The following MAP1B variants were observed in gnomAD, a reference collection of about 807,000 sequenced individuals.
The protein encoded by MAP1B is microtubule-associated protein 1B.
Under a neutral mutation model 176.1 loss-of-function variants are expected in MAP1B, and 12 were observed. That is an observed-to-expected ratio of 0.07 (90% CI 0.04 to 0.11). MAP1B has a LOEUF of 0.11. Ranked by LOEUF, MAP1B falls within the 10% of genes least tolerant of loss-of-function variation. The probability of loss-of-function intolerance (pLI) is 1.00; values close to 1 mark genes in which losing one functional copy is unlikely to be tolerated. For missense variants in MAP1B, 2,523 were observed against 2,990.5 expected, an observed-to-expected ratio of 0.84 and a Z score of 3.65; for synonymous variants, 1,044 against 1,135.0, an observed-to-expected ratio of 0.92 and a Z score of 1.61.
At chr5:72,143,429 A>T (rs1421547486) in intron 2 of MAP1B, among the ~76,000 whole-genome samples, 2 of 152,170 alleles carry the variant, frequency 1.3e-5, no homozygotes, top group African/African-American at 4.8e-5. Context: ...CCACAATTGA[A>T]TTATGTCTTT....
chr5:72,183,753 C>A lies in MAP1B; in HGVS notation c.297C>A (p.Ile99=), dbSNP rs1172683150. The change falls in exon 3 of 7, where the codon ATC becomes ATA. Residue 99 remains isoleucine, a synonymous_variant. Coordinates refer to ENST00000296755, the MANE Select transcript of MAP1B (RefSeq NM_005909.5). ...TTTTTGTGCCTGCAGGACAAAAGATCCTTCATCACCGAAGTGACGTTTTAG... is the reference window on the plus strand; with the variant it reads ...TTTTTGTGCCTGCAGGACAAAAGATACTTCATCACCGAAGTGACGTTTTAG... ...RFSPEVPGQK[I]LHHRSDVLET... 1.9e-6 allele frequency: 3 copies of A among 1,613,972 alleles called. No individual in the cohort carries two copies. In the South Asian group the frequency reaches 3.3e-5, roughly 18 times the overall value.
At chr5:72,164,274 A>C (rs1264871874) in intron 2 of MAP1B, among the ~76,000 whole-genome samples, 1 of 152,034 alleles carries the variant, frequency 6.6e-6, no homozygotes, top group African/African-American at 2.4e-5. Context: ...CATCCCAGAG[A>C]CCTGGTTCCC....
intron 1 of MAP1B, among the ~76,000 whole-genome samples, chr5:72,114,265 A>G (rs1458599389): frequency 2.6e-5 from 4 of 152,084 alleles, no homozygotes; most frequent in African/African-American, 9.7e-5. Flanking sequence ...TCTTTACAGG[A>G]TAGGAAGACT....
intron 2 of MAP1B, among the ~76,000 whole-genome samples, chr5:72,139,351 C>T (rs753396086): frequency 2.0e-5 from 3 of 152,192 alleles, no homozygotes; most frequent in East Asian, 1.9e-4. Context: ...CCTGGGTTCT[C>T]GTTCTGGCTG....
intron 2 of MAP1B, chr5:72,180,024 C>A (rs11951269): frequency 0.078 from 52,923 of 678,732 alleles, 2,186 homozygotes; most frequent in African/African-American, 0.14. Context: ...CGGCAGCAGG[C>A]GAGCTCACTG....
At chr5:72,123,866 A>C (rs1745575067) in intron 2 of MAP1B, among the ~76,000 whole-genome samples, 1 of 152,148 alleles carries the variant, frequency 6.6e-6, no homozygotes, top group Admixed American at 6.5e-5. Context: ...CCTGGCCTCA[A>C]GCGATCCTCC....
chr5:72,199,993 G>A lies in MAP1B; in HGVS notation c.6638G>A (p.Arg2213His), dbSNP rs754794035. 1.6e-5 allele frequency: 26 copies of A among 1,614,012 alleles called. No individual in the cohort carries two copies. The highest frequency in any genetic ancestry group is 2.7e-5 in the African/African-American group (2 of 74,910). ...APVQDRSPSPRHPDVSMVDPE... is the reference protein window; with the variant it reads ...APVQDRSPSPHHPDVSMVDPE... Reference sequence around the variant, plus strand: ...GTGCAAGACCGCAGCCCTTCGCCACGCCACCCTGATGTGTCCATGGTGGAC... The same window carrying A: ...GTGCAAGACCGCAGCCCTTCGCCACACCACCCTGATGTGTCCATGGTGGAC... The change falls in exon 5 of 7, where the codon CGC becomes CAC. Residue 2213 changes from arginine (R) to histidine (H), a missense_variant. Coordinates refer to ENST00000296755, the MANE Select transcript of MAP1B (RefSeq NM_005909.5). This position sits in a 1 kb window ranked among gnomAD's most constrained non-coding sequence, Gnocchi z 4.2.
chr5:72,175,229 G>A (rs544293160), intron 2 of MAP1B, among the ~76,000 whole-genome samples: 9 of 151,620 alleles, frequency 5.9e-5, no homozygotes, highest in Non-Finnish European at 7.4e-5. Context: ...CATGCCTGAC[G>A]AATTTTTGTA....
intron 2 of MAP1B, among the ~76,000 whole-genome samples, chr5:72,128,715 A>G (rs917214722): frequency 6.6e-6 from 1 of 152,224 alleles, no homozygotes; most frequent in African/African-American, 2.4e-5. Context: ...GTCATGGTTC[A>G]CTGCAGCCTT....
chr5:72,198,214 C>A lies in MAP1B; in HGVS notation c.4859C>A (p.Ser1620Tyr), dbSNP rs1452016483. Residue 1620 changes from serine to tyrosine, a missense_variant, in exon 5 of 7, where the codon TCT becomes TAT. This residue lies in a region of MAP1B where 1,925 missense variants were observed against 2,126.0 expected (regional missense o/e 0.91). Coordinates refer to ENST00000296755, the MANE Select transcript of MAP1B (RefSeq NM_005909.5). Reference protein sequence around the residue: ...KEECPRPMSISPPDFSPKTAK... With the variant: ...KEECPRPMSIYPPDFSPKTAK... ...GAATGCCCAAGACCGATGTCAATTT[C>A]TCCACCAGATTTCTCCCCTAAAACT... 6.2e-7 allele frequency: 1 copy of A among 1,614,240 alleles called. No homozygotes were observed. Among genetic ancestry groups the A allele is most frequent in the African/African-American group, 1.3e-5 (1 of 75,068 alleles).
chr5:72,198,515 C>T lies in MAP1B; in HGVS notation c.5160C>T (p.Leu1720=), dbSNP rs766903021. ...SYTQDNDLSE[L]ISVSQVEASP... ...CCCAAGATAATGATCTTTCTGAGCTCATCTCAGTATCTCAGGTAGAGGCCT... is the reference window on the plus strand; with the variant it reads ...CCCAAGATAATGATCTTTCTGAGCTTATCTCAGTATCTCAGGTAGAGGCCT... The change falls in exon 5 of 7, where the codon CTC becomes CTT. Residue 1720 remains leucine (L), a synonymous_variant. Transcript: ENST00000296755. The T allele has an allele frequency of 1.2e-6, 2 of 1,613,884 alleles. No homozygotes were observed. The highest frequency in any genetic ancestry group is 2.7e-5 in the African/African-American group (2 of 74,922).
At chr5:72,133,166 T>C (rs143616070) in intron 2 of MAP1B, among the ~76,000 whole-genome samples, 20 of 152,346 alleles carry the variant, frequency 1.3e-4, no homozygotes, top group African/African-American at 3.8e-4. Flanking sequence ...GAGAATTAGA[T>C]AGAACTTGCA....
At chr5:72,109,008 C>G (rs1745241352) in intron 1 of MAP1B, among the ~76,000 whole-genome samples, 1 of 152,188 alleles carries the variant, frequency 6.6e-6, no homozygotes, top group African/African-American at 2.4e-5. Flanking sequence ...CTACGGCAGC[C>G]CGAGGCGGAC....
Position 72,200,847 on chromosome 5 carries a change from A to T in MAP1B, c.7012+480A>T, listed in dbSNP as rs1006949766. Among the ~76,000 whole-genome samples, 18 of 152,234 alleles carry T rather than the reference A, an allele frequency of 1.2e-4. No homozygotes were observed. In the East Asian group the frequency reaches 1.3e-3, roughly 11 times the overall value. ...TCCTTTTTTAAAAAAAATTTTTTTT[A>T]AATTAAAAATGTTTACATTTTTATT... On this transcript the variant is annotated intron_variant, in intron 5 of 6. Transcript: ENST00000296755.
intron 2 of MAP1B, among the ~76,000 whole-genome samples, chr5:72,163,781 G>A (rs1209581377): frequency 6.6e-6 from 1 of 152,018 alleles, no homozygotes; most frequent in Non-Finnish European, 1.5e-5. Context: ...AAGTCACTTA[G>A]CCTTTCTGAA....
chr5:72,130,234 A>G (rs1412636098), intron 2 of MAP1B, among the ~76,000 whole-genome samples: 1 of 152,106 alleles, frequency 6.6e-6, no homozygotes, highest in African/African-American at 2.4e-5. Flanking sequence ...AAATTAAATA[A>G]TCATAGGGAT....
chr5:72,162,393 G>A (rs3098387), intron 2 of MAP1B, among the ~76,000 whole-genome samples: 16,595 of 151,226 alleles, frequency 0.11, 937 homozygotes, highest in Non-Finnish European at 0.12. Context: ...TAACATGACT[G>A]GGGGGGCATC....
intron 2 of MAP1B, chr5:72,169,384 T>C (rs898135867): frequency 6.6e-6 from 1 of 152,202 alleles, no homozygotes. Flanking sequence ...ATCCTGAAGG[T>C]AGATCACCTG....
intron 5 of MAP1B, among the ~76,000 whole-genome samples, chr5:72,200,838 A>T (rs546619766): frequency 1.1e-3 from 175 of 152,232 alleles, no homozygotes; most frequent in African/African-American, 2.8e-3. Flanking sequence ...TTTAAAAAAA[A>T]TTTTTTTTAA....
Sources: allele counts gnomAD v4.1 joint callset (sites outside exome capture counted in the v4.1 genomes callset), GRCh38; gene constraint gnomAD v4.1.1; regional missense constraint gnomAD v4.1.1; non-coding constraint Gnocchi (gnomAD v3.1); transcripts MANE v1.5; gene names NCBI Gene and HGNC (gene_info 2026-07-23, HGNC 2026-07-21).